The following KCTD16 variants were observed in gnomAD, a reference collection of about 807,000 sequenced individuals.
KCTD16 encodes BTB/POZ domain-containing protein KCTD16.
In KCTD16, 13 loss-of-function variants were observed where a neutral mutation model predicts 33.2. The ratio of observed to expected loss-of-function variants is 0.39; its 90% CI spans 0.25 to 0.62. The LOEUF is 0.62. KCTD16 is among the 20% of genes least tolerant of loss of function. The pLI, the probability that KCTD16 is intolerant of heterozygous loss-of-function variation, is 0.50. For synonymous variants in KCTD16, 197 were observed against 195.3 expected (o/e 1.01, Z -0.07); for missense variants, 441 against 525.1 (o/e 0.84, Z 1.57).
At chr5:144,436,698 C>A (rs560322574) in intron 3 of KCTD16, among the ~76,000 whole-genome samples, 5 of 151,432 alleles carry the variant, frequency 3.3e-5, no homozygotes, top group Non-Finnish European at 7.4e-5. Flanking sequence ...AGCTATTCTT[C>A]TGCCTCACCC....
intron 3 of KCTD16, among the ~76,000 whole-genome samples, chr5:144,332,442 G>A (rs1274290734): frequency 6.6e-6 from 1 of 152,120 alleles, no homozygotes; most frequent in Admixed American, 6.5e-5. Context: ...ACCTTGTGCA[G>A]CCAAACAACC....
intron 3 of KCTD16, among the ~76,000 whole-genome samples, chr5:144,328,766 G>T (rs751126048): frequency 6.6e-6 from 1 of 151,832 alleles, no homozygotes; most frequent in Non-Finnish European, 1.5e-5. Context: ...GGTTTTGCCC[G>T]CCTGCTTTAT....
intron 3 of KCTD16, among the ~76,000 whole-genome samples, chr5:144,470,303 T>A (rs548952095): frequency 2.0e-5 from 3 of 152,144 alleles, no homozygotes; most frequent in Non-Finnish European, 4.4e-5. Context: ...GTGTTCTGAT[T>A]TAAAACCTCT....
Position 144,475,215 on chromosome 5 carries a change from G to T in KCTD16, c.*1101G>T, listed in dbSNP as rs992505516. On this transcript the variant is annotated 3_prime_UTR_variant, in exon 4 of 4. Coordinates refer to ENST00000512467, the MANE Select transcript of KCTD16 (RefSeq NM_020768.4). The stretch of plus-strand genomic sequence containing the variant: ...CCTTTTGTTTGTTTTAGAGAAAGTT[G>T]TATTCCACACACAACCTAATAATTT... 1.3e-5 allele frequency: 2 copies of T among 152,164 alleles called. No homozygotes were observed. The highest frequency in any genetic ancestry group is 4.8e-5 in the African/African-American group (2 of 41,434). The allele number at this position is 152,164 out of a possible 1,614,324, so 9.4% of individuals were successfully genotyped here.
chr5:144,469,917 C>T (rs565114232), intron 3 of KCTD16, among the ~76,000 whole-genome samples: 1 of 150,806 alleles, frequency 6.6e-6, no homozygotes, highest in Admixed American at 6.7e-5. Context: ...GGCTCTCTGA[C>T]CAGCAACTAG....
chr5:144,179,564 C>G (rs1156852468), intron 2 of KCTD16, among the ~76,000 whole-genome samples: 1 of 152,204 alleles, frequency 6.6e-6, no homozygotes, highest in Non-Finnish European at 1.5e-5. Context: ...CCATCTTGTA[C>G]TATTTGGGAA....
chr5:144,458,955 T>C (rs566254804), intron 3 of KCTD16, among the ~76,000 whole-genome samples: 1 of 152,302 alleles, frequency 6.6e-6, no homozygotes, highest in Admixed American at 6.5e-5. Flanking sequence ...TCTGTCATTG[T>C]TTACAAACAA....
At chr5:144,289,470 A>G (rs1050688589) in intron 3 of KCTD16, among the ~76,000 whole-genome samples, 1 of 152,174 alleles carries the variant, frequency 6.6e-6, no homozygotes, top group Non-Finnish European at 1.5e-5. Context: ...CCTGGGAAAC[A>G]CCATCTGGTA....
intron 3 of KCTD16, among the ~76,000 whole-genome samples, chr5:144,354,622 T>TC (rs1751530865): frequency 1.3e-5 from 2 of 152,200 alleles, no homozygotes; most frequent in South Asian, 4.1e-4. Flanking sequence ...GAAATTAAGA[T>TC]CTTAGTTCTA....
chr5:144,369,900 A>G (rs1033401702), intron 3 of KCTD16, among the ~76,000 whole-genome samples: 1 of 152,320 alleles, frequency 6.6e-6, no homozygotes, highest in Admixed American at 6.5e-5. Context: ...TAGTATATTA[A>G]GTGCATGATT....
At chr5:144,321,124 G>T (rs1209965094) in intron 3 of KCTD16, among the ~76,000 whole-genome samples, 1 of 152,102 alleles carries the variant, frequency 6.6e-6, no homozygotes, top group Non-Finnish European at 1.5e-5. Context: ...CAAGGTGTTG[G>T]GATTACAGGC....
chr5:144,396,651 A>G (rs1240305480), intron 3 of KCTD16, among the ~76,000 whole-genome samples: 1 of 152,126 alleles, frequency 6.6e-6, no homozygotes, highest in Admixed American at 6.5e-5. Context: ...CACATAATAC[A>G]TTTTAATCAC....
At chr5:144,233,930 T>C (rs1018178606) in intron 3 of KCTD16, among the ~76,000 whole-genome samples, 1 of 152,170 alleles carries the variant, frequency 6.6e-6, no homozygotes, top group African/African-American at 2.4e-5. Flanking sequence ...CTGCAGTATC[T>C]GCTTTGCATC....
chr5:144,251,422 T>A (rs1049387746), intron 3 of KCTD16, among the ~76,000 whole-genome samples: 2 of 152,194 alleles, frequency 1.3e-5, no homozygotes, highest in Non-Finnish European at 2.9e-5. Flanking sequence ...AGATATTACA[T>A]ATTCATTAGT....
intron 3 of KCTD16, among the ~76,000 whole-genome samples, chr5:144,400,187 C>T (rs922344513): frequency 3.9e-5 from 6 of 152,126 alleles, no homozygotes; most frequent in African/African-American, 1.4e-4. Context: ...TAGGTGCCTG[C>T]TGGACAGAGG....
chr5:144,269,246 C>A (rs1755229995), intron 3 of KCTD16, among the ~76,000 whole-genome samples: 1 of 151,784 alleles, frequency 6.6e-6, no homozygotes, highest in South Asian at 2.1e-4. Flanking sequence ...CCAAGGAGCT[C>A]AAGAAACTAA....
intron 3 of KCTD16, among the ~76,000 whole-genome samples, chr5:144,363,343 AT>A (rs150404670): frequency 2.9e-4 from 44 of 151,290 alleles, no homozygotes; most frequent in African/African-American, 5.3e-4. Context: ...CTCTGTCTCA[AT>A]TTTTTTTTAA....
At chr5:144,357,038 A>C (rs1444111078) in intron 3 of KCTD16, among the ~76,000 whole-genome samples, 2 of 152,158 alleles carry the variant, frequency 1.3e-5, no homozygotes, top group Non-Finnish European at 2.9e-5. Context: ...AGTTTACTGC[A>C]CTTTGAGTAT....
intron 3 of KCTD16, among the ~76,000 whole-genome samples, chr5:144,334,947 T>A (rs1032185374): frequency 6.6e-6 from 1 of 152,118 alleles, no homozygotes; most frequent in African/African-American, 2.4e-5. Flanking sequence ...TGGCTAATTT[T>A]TTTTTTATTT....
Sources: allele counts gnomAD v4.1 joint callset (sites outside exome capture counted in the v4.1 genomes callset), GRCh38; gene constraint gnomAD v4.1.1; transcripts MANE v1.5; gene names NCBI Gene and HGNC (gene_info 2026-07-23, HGNC 2026-07-21).